The following OR8J3 variants were observed in gnomAD, a reference collection of about 807,000 sequenced individuals.
OR8J3 encodes the protein olfactory receptor 8J3.
For synonymous variants in OR8J3, 170 were observed against 142.6 expected, an observed-to-expected ratio of 1.19 and a Z score of -1.37; for missense variants, 418 against 379.8, an observed-to-expected ratio of 1.10 and a Z score of -0.84.
In OR8J3 at chr11:56,136,762, G is replaced by A; in HGVS notation, c.*9C>T. The A allele has an allele frequency of 7.0e-7, 1 of 1,427,392 alleles. No individual in the cohort carries two copies. Among genetic ancestry groups the A allele is most frequent in the Non-Finnish European group, 9.6e-7 (1 of 1,043,308 alleles). 88.4% of individuals were successfully genotyped at this position (1,427,392 alleles called of 1,614,324 possible). A position where few individuals can be genotyped will look rare whatever the true frequency, so the allele number is the denominator to read the frequency against. On this transcript the variant is annotated 3_prime_UTR_variant, in exon 2 of 2. Coordinates refer to ENST00000642058, the MANE Select transcript of OR8J3 (RefSeq NM_001004064.2). ...AACTATCTCTTCATTTATTTATAGA[G>A]CTCTAAAATTACATTGATTTAAAGG...
At position 56,134,726 on chromosome 11, in the gene OR8J3, A is replaced by C. The variant is rs1300216605; in HGVS notation, c.*2045T>G. ...AAAAACATACATCTGAAGTGACTTT[A>C]TCATTAAGCGCTCAGTGTTTTAATA... is the stretch of plus-strand genomic sequence containing the variant. On this transcript the variant is annotated 3_prime_UTR_variant, in exon 2 of 2. Transcript: ENST00000642058. 1 of 151,994 alleles carries C rather than the reference A, an allele frequency of 6.6e-6. No individual in the cohort carries two copies. The highest frequency in any genetic ancestry group is 1.5e-5 in the Non-Finnish European group (1 of 67,906). 9.4% of individuals were successfully genotyped at this position (151,994 alleles called of 1,614,324 possible). A position where few individuals can be genotyped will look rare whatever the true frequency, so the allele number is the denominator to read the frequency against.
rs186985410 is a variant in OR8J3, at chr11:56,138,393, C to G, written c.-675G>C. On this transcript the variant is annotated 5_prime_UTR_variant, in exon 2 of 2. Transcript: ENST00000642058. ...TAATATCAGTAAAATTTTGTGCAGG[C>G]GTGGTGGCTCAAACCGGTAATCCCA... 1 of 152,058 alleles carries G rather than the reference C, an allele frequency of 6.6e-6. No individual in the cohort carries two copies. The highest frequency in any genetic ancestry group is 2.4e-5 in the African/African-American group (1 of 41,388). 9.4% of individuals were successfully genotyped at this position (152,058 alleles called of 1,614,324 possible).
In OR8J3 at chr11:56,134,757, C is replaced by A. The variant is rs1248954726; in HGVS notation, c.*2014G>T. ...AAGCGCTCAGTGTTTTAATATTTTT[C>A]CCTACTTTAGCATCAAAATAAAGTC... On this transcript the variant is annotated 3_prime_UTR_variant, in exon 2 of 2. Coordinates refer to ENST00000642058, the MANE Select transcript of OR8J3 (RefSeq NM_001004064.2). 1 of 151,954 alleles carries A rather than the reference C, an allele frequency of 6.6e-6. No individual in the cohort carries two copies. The highest frequency in any genetic ancestry group is 6.6e-5 in the Admixed American group (1 of 15,248). The allele number at this position is 151,954 out of a possible 1,614,324, so 9.4% of individuals were successfully genotyped here. A position where few individuals can be genotyped will look rare whatever the true frequency, so the allele number is the denominator to read the frequency against.
At chr11:56,139,009 T>C (rs1343986704) in intron 1 of OR8J3, among the ~76,000 whole-genome samples, 2 of 152,150 alleles carry the variant, frequency 1.3e-5, no homozygotes, top group African/African-American at 2.4e-5. Flanking sequence ...ATGATAATTA[T>C]GTTGCATGTA....
Position 56,138,048 on chromosome 11 carries a change from G to A in OR8J3, c.-330C>T. 3.9e-6 allele frequency: 1 copy of A among 257,408 alleles called. No individual in the cohort carries two copies. Among genetic ancestry groups the A allele is most frequent in the Non-Finnish European group, 7.4e-6 (1 of 135,570 alleles). The allele number at this position is 257,408 out of a possible 1,614,324, so 15.9% of individuals were successfully genotyped here. A position where few individuals can be genotyped will look rare whatever the true frequency, so the allele number is the denominator to read the frequency against. On this transcript the variant is annotated 5_prime_UTR_variant, in exon 2 of 2. Coordinates refer to ENST00000642058, the MANE Select transcript of OR8J3 (RefSeq NM_001004064.2). ...TCTTAGCTTACAAACATTTGAAGCTGGGATGTATCTGATGATTTTTGCACT... is the reference window on the plus strand; with the variant it reads ...TCTTAGCTTACAAACATTTGAAGCTAGGATGTATCTGATGATTTTTGCACT...
intron 1 of OR8J3, among the ~76,000 whole-genome samples, chr11:56,138,795 C>A (rs1311411346): frequency 2.0e-5 from 3 of 151,586 alleles, no homozygotes; most frequent in Non-Finnish European, 4.4e-5. Flanking sequence ...CATGACTATT[C>A]TTTTCCTTGT....
rs1041181129 is a variant in OR8J3 at position 56,137,956 on chromosome 11, T to C, written c.-238A>G. The C allele has an allele frequency of 1.2e-5, 6 of 499,440 alleles. No homozygotes were observed. The highest frequency in any genetic ancestry group is 1.2e-4 in the African/African-American group (6 of 51,550). The allele number at this position is 499,440 out of a possible 1,614,324, so 30.9% of individuals were successfully genotyped here. The stretch of plus-strand genomic sequence containing the variant: ...AAATTTAGTATGGCAAAGTAAATAG[T>C]TGTTTCAGCATCCTGCAACACTTTG... On this transcript the variant is annotated 5_prime_UTR_variant, in exon 2 of 2. Transcript: ENST00000642058.
chr11:56,139,641 G>A (rs554102397), intron 1 of OR8J3, among the ~76,000 whole-genome samples: 40 of 152,290 alleles, frequency 2.6e-4, no homozygotes, highest in African/African-American at 9.4e-4. Flanking sequence ...ATTTAAATAA[G>A]CATAATAGGT....
In OR8J3 at chr11:56,135,525, G is replaced by A. The variant is rs375271104; in HGVS notation, c.*1246C>T. The A allele has an allele frequency of 4.0e-5, 6 of 151,866 alleles. No homozygotes were observed. Among genetic ancestry groups the A allele is most frequent in the African/African-American group, 1.4e-4 (6 of 41,384 alleles). The allele number at this position is 151,866 out of a possible 1,614,324, so 9.4% of individuals were successfully genotyped here. On this transcript the variant is annotated 3_prime_UTR_variant, in exon 2 of 2. Coordinates refer to ENST00000642058, the MANE Select transcript of OR8J3 (RefSeq NM_001004064.2). The stretch of plus-strand genomic sequence containing the variant: ...TACTTGAGTCTAATTTTGTACTGTA[G>A]AGTTGTGTTTTGTTTCCTTTTTAAT...
rs768687027 is a variant in OR8J3, at chr11:56,137,215, A to G, written c.504T>C (p.Tyr168=). 6.2e-7 allele frequency: 1 copy of G among 1,614,124 alleles called. No individual in the cohort carries two copies. Among genetic ancestry groups the G allele is most frequent in the South Asian group, 1.1e-5 (1 of 91,092 alleles). The change falls in exon 2 of 2, where the codon TAT becomes TAC. Residue 168 remains tyrosine (Y), a synonymous_variant. Coordinates refer to ENST00000642058, the MANE Select transcript of OR8J3 (RefSeq NM_001004064.2). ...VVSPCIFSVS[Y]CSSNIINHFY... ...AATGATTGATTATATTAGAAGAGCA[A>G]TAAGACACAGAGAATATACAAGGTG...
chr11:56,139,635 A>G (rs1014530801), intron 1 of OR8J3, among the ~76,000 whole-genome samples: 3 of 152,264 alleles, frequency 2.0e-5, no homozygotes, highest in African/African-American at 7.2e-5. Flanking sequence ...TTGCAGATTT[A>G]AATAAGCATA....
At chr11:56,138,978 A>C (rs1342054406) in intron 1 of OR8J3, among the ~76,000 whole-genome samples, 1 of 152,044 alleles carries the variant, frequency 6.6e-6, no homozygotes, top group Non-Finnish European at 1.5e-5. Context: ...AGGAATAAAC[A>C]CCTTCATTTT....
chr11:56,140,004 C>A (rs1184557686), intron 1 of OR8J3, among the ~76,000 whole-genome samples, 169 bp downstream of exon 1: 3 of 152,154 alleles, frequency 2.0e-5, no homozygotes, highest in East Asian at 1.9e-4. Context: ...TAATGATAGA[C>A]AAAGATCCTT....
chr11:56,137,006 A>G lies in OR8J3; in HGVS notation c.713T>C (p.Phe238Ser), dbSNP rs764949781. The change falls in exon 2 of 2, where the codon TTT becomes TCT. Residue 238 changes from phenylalanine to serine, a missense_variant. Physicochemically the swap from Phe to Ser is radical, Grantham distance 155. Coordinates refer to ENST00000642058, the MANE Select transcript of OR8J3 (RefSeq NM_001004064.2). ...TATCATATGCGAAGCGCAGGTGGAAAAGGCTTTTTTCCTTCCTTCTGGTGA... is the reference window on the plus strand; with the variant it reads ...TATCATATGCGAAGCGCAGGTGGAAGAGGCTTTTTTCCTTCCTTCTGGTGA... ...IRSPEGRKKA[F>S]STCASHMIAV... The G allele has an allele frequency of 4.3e-6, 7 of 1,613,550 alleles. No homozygotes were observed. Among genetic ancestry groups the G allele is most frequent in the Non-Finnish European group, 5.9e-6 (7 of 1,179,904 alleles).
chr11:56,138,708 AT>A (rs1321444329), intron 1 of OR8J3, among the ~76,000 whole-genome samples: 48 of 143,324 alleles, frequency 3.3e-4, no homozygotes, highest in African/African-American at 1.2e-3. Context: ...AAAAAAAAAA[AT>A]CAGTAAGATT....
In OR8J3 at chr11:56,137,153, C is replaced by G; in HGVS notation, c.566G>C (p.Cys189Ser). 6.2e-7 allele frequency: 1 copy of G among 1,613,142 alleles called. No individual in the cohort carries two copies. Among genetic ancestry groups the G allele is most frequent in the African/African-American group, 1.3e-5 (1 of 74,888 alleles). The stretch of plus-strand genomic sequence containing the variant: ...TGTTTCTGGTATGTAAGTATCAGAG[C>G]AAGATAATGCTAACAGAGGTGCAAT... ...CDIAPLLALS[C>S]SDTYIPETIV... The change falls in exon 2 of 2, where the codon TGC becomes TCC. Residue 189 changes from cysteine (C) to serine (S), a missense_variant. Coordinates refer to ENST00000642058, the MANE Select transcript of OR8J3 (RefSeq NM_001004064.2).
chr11:56,139,333 T>C (rs570174361), intron 1 of OR8J3, among the ~76,000 whole-genome samples: 4 of 145,728 alleles, frequency 2.7e-5, no homozygotes, highest in Non-Finnish European at 6.1e-5. Flanking sequence ...TATTCTACAG[T>C]GAGAAAAAAT....
Position 56,137,903 on chromosome 11 carries a change from A to T in OR8J3, c.-185T>A. ...AGTCTAATAAATCAGCTTTGCAATC[A>T]CTTGGGAGAGAGTAAAGCAAGTATG... On this transcript the variant is annotated 5_prime_UTR_variant, in exon 2 of 2. Transcript: ENST00000642058. 1 of 582,494 alleles carries T rather than the reference A, an allele frequency of 1.7e-6. No homozygotes were observed. Among genetic ancestry groups the T allele is most frequent in the East Asian group, 2.9e-5 (1 of 34,706 alleles). 36.1% of individuals were successfully genotyped at this position (582,494 alleles called of 1,614,324 possible). A position where few individuals can be genotyped will look rare whatever the true frequency, so the allele number is the denominator to read the frequency against.
chr11:56,138,788 G>T (rs1479154323), intron 1 of OR8J3, among the ~76,000 whole-genome samples: 1 of 151,428 alleles, frequency 6.6e-6, no homozygotes, highest in Non-Finnish European at 1.5e-5. Flanking sequence ...TCCCTCTCAT[G>T]ACTATTCTTT....
Sources: gnomAD v4.1 joint callset for allele counts (sites outside exome capture counted in the v4.1 genomes callset) on GRCh38, gnomAD v4.1.1 for gene constraint, MANE v1.5 for transcripts, NCBI Gene and HGNC (gene_info 2026-07-23, HGNC 2026-07-21) for gene names.